Variants in TPRG1 observed in about 807,000 individuals in gnomAD.
TPRG1 encodes tumor protein p63-regulated gene 1 protein.
Under a neutral mutation model 29.3 loss-of-function variants are expected in TPRG1, and 29 were observed. The ratio of observed to expected loss-of-function variants is 0.99; its 90% CI spans 0.74 to 1.35. The LOEUF (loss-of-function observed/expected upper bound fraction) is 1.35. Among genes scored for constraint, TPRG1 ranks in the 40% most tolerant of loss-of-function variants. The pLI, the probability that TPRG1 is intolerant of heterozygous loss-of-function variation, is 0.00. For synonymous variants in TPRG1, 130 were observed against 116.8 expected, an observed-to-expected ratio of 1.11 and a Z score of -0.73; for missense variants, 327 against 335.0, an observed-to-expected ratio of 0.98 and a Z score of 0.19.
chr3:189,114,588 A>G (rs1212582585), intron 1 of TPRG1, among the ~76,000 whole-genome samples: 1 of 152,038 alleles, frequency 6.6e-6, no homozygotes, highest in Non-Finnish European at 1.5e-5. Context: ...TTCATGAATG[A>G]CACATAGGGT....
At chr3:189,319,085 A>G (rs1429920281) in intron 5 of TPRG1, among the ~76,000 whole-genome samples, 1 of 152,086 alleles carries the variant, frequency 6.6e-6, no homozygotes, top group Non-Finnish European at 1.5e-5. Context: ...ATTGCCCACA[A>G]TGCCTAGTAT....
At chr3:189,055,228 TTA>T (rs1187714925) in intron 4 of TPRG1, among the ~76,000 whole-genome samples, 1 of 152,218 alleles carries the variant, frequency 6.6e-6, no homozygotes, top group Non-Finnish European at 1.5e-5. Context: ...TCTTCTAGTG[TTA>T]TCTCTTATTT....
intron 5 of TPRG1, among the ~76,000 whole-genome samples, chr3:189,312,173 CTTTCTTTCTTTTTT>C (rs1722740236): frequency 3.0e-4 from 19 of 63,470 alleles, no homozygotes; most frequent in East Asian, 5.9e-4. Flanking sequence ...TTCTTTCTTT[CTTTCTTTCTTTTTT>C]TCTTTCTTTC....
intron 3 of TPRG1, among the ~76,000 whole-genome samples, chr3:189,020,031 T>C (rs1329025495): frequency 6.6e-6 from 1 of 151,996 alleles, no homozygotes; most frequent in African/African-American, 2.4e-5. Context: ...GAGGTGTTTG[T>C]AGTATTCTCT....
intron 1 of TPRG1, among the ~76,000 whole-genome samples, chr3:189,116,703 T>C (rs934841203): frequency 2.0e-5 from 3 of 152,200 alleles, no homozygotes; most frequent in African/African-American, 7.2e-5. Context: ...AAATACTGTA[T>C]GATTCTATTT....
intron 5 of TPRG1, among the ~76,000 whole-genome samples, chr3:189,319,000 A>G (rs896105515): frequency 1.3e-5 from 2 of 152,128 alleles, no homozygotes; most frequent in South Asian, 2.1e-4. Flanking sequence ...TTGCTCAATC[A>G]TTTACTAGTT....
In TPRG1 at chr3:189,277,068, A is replaced by G. The variant is rs1015156582; in HGVS notation, c.480-33318A>G. Among the ~76,000 whole-genome samples, 5 of 152,118 alleles carry G rather than the reference A, an allele frequency of 3.3e-5. No homozygotes were observed. The East Asian group carries it at 9.6e-4, about 29-fold the overall frequency. The stretch of plus-strand genomic sequence containing the variant: ...TGGGTGAGACGCTGCTCGAGGAGGA[A>G]TTAGCTGAACTGTGGTGGTTTGGCA... On this transcript the variant is annotated intron_variant, in intron 4 of 5. Coordinates refer to ENST00000345063, the MANE Select transcript of TPRG1 (RefSeq NM_198485.4).
At chr3:189,205,696 A>G (rs1295931540) in intron 1 of TPRG1, among the ~76,000 whole-genome samples, 1 of 152,220 alleles carries the variant, frequency 6.6e-6, no homozygotes, top group Non-Finnish European at 1.5e-5. Flanking sequence ...TCTAGGTAGC[A>G]TTGATAACAT....
At position 189,203,919 on chromosome 3, in the gene TPRG1, T is replaced by C. The variant is rs568098754; in HGVS notation, c.-9-3457T>C. On this transcript the variant is annotated intron_variant, in intron 1 of 5. Transcript: ENST00000345063. ...AGCTGGGCATGGTGGCAAGCACCTG[T>C]AGTCCCAGCTGCTCTGGAGGCTGAG... Among the ~76,000 whole-genome samples, 7 of 151,878 alleles carry C rather than the reference T, an allele frequency of 4.6e-5. No homozygotes were observed. In the South Asian group the frequency reaches 1.5e-3, roughly 32 times the overall value.
chr3:189,226,568 A>C (rs1737750370), intron 3 of TPRG1, among the ~76,000 whole-genome samples: 1 of 152,242 alleles, frequency 6.6e-6, no homozygotes, highest in South Asian at 2.1e-4. Flanking sequence ...GTACATATTA[A>C]TTGAGGGAAA....
Position 189,323,291 on chromosome 3 carries a change from C to A in TPRG1, c.*2471C>A, listed in dbSNP as rs764844341. 6.6e-6 allele frequency: 1 copy of A among 152,008 alleles called. No homozygotes were observed. The highest frequency in any genetic ancestry group is 2.4e-5 in the African/African-American group (1 of 41,398). The allele number at this position is 152,008 out of a possible 1,614,324, so 9.4% of individuals were successfully genotyped here. On this transcript the variant is annotated 3_prime_UTR_variant, in exon 6 of 6. Transcript: ENST00000345063. ...TGTTGCTAGTACTTAGTTAATTAGACCCATTTTTTTCTTAGGAAAGAGTTG... is the reference window on the plus strand; with the variant it reads ...TGTTGCTAGTACTTAGTTAATTAGAACCATTTTTTTCTTAGGAAAGAGTTG...
chr3:189,036,657 C>T (rs1198550368), intron 4 of TPRG1, among the ~76,000 whole-genome samples: 1 of 151,694 alleles, frequency 6.6e-6, no homozygotes, highest in Admixed American at 6.6e-5. Context: ...TGACAACAGA[C>T]AAATAAGTTT....
In TPRG1 at chr3:189,324,367, C is replaced by T. The variant is rs1221170090; in HGVS notation, c.*3547C>T. 1 of 152,126 alleles carries T rather than the reference C, an allele frequency of 6.6e-6. No individual in the cohort carries two copies. Among genetic ancestry groups the T allele is most frequent in the Non-Finnish European group, 1.5e-5 (1 of 68,032 alleles). The allele number at this position is 152,126 out of a possible 1,614,324, so 9.4% of individuals were successfully genotyped here. ...TACATTTTCCAATTTCTATCCCTAG[C>T]CCACTGCTCTTTCCAATATAATATC... On this transcript the variant is annotated 3_prime_UTR_variant, in exon 6 of 6. Coordinates refer to ENST00000345063, the MANE Select transcript of TPRG1 (RefSeq NM_198485.4).
rs968168123 is a variant in TPRG1 at position 189,274,834 on chromosome 3, C to A, written c.480-35552C>A. On this transcript the variant is annotated intron_variant, in intron 4 of 5. Coordinates refer to ENST00000345063, the MANE Select transcript of TPRG1 (RefSeq NM_198485.4). The stretch of plus-strand genomic sequence containing the variant: ...AAAGCATATGAACAGTTAATTCCCA[C>A]CTTAAATTGAATTTTGACCTGTGCT... Among the ~76,000 whole-genome samples, 22 of 151,758 alleles carry A rather than the reference C, an allele frequency of 1.4e-4. 1 individual carries two copies. The highest frequency in any genetic ancestry group is 2.8e-4 in the Non-Finnish European group (19 of 67,942).
intron 3 of TPRG1, among the ~76,000 whole-genome samples, chr3:189,231,181 A>C (rs549358111): frequency 6.6e-6 from 1 of 152,098 alleles, no homozygotes; most frequent in Non-Finnish European, 1.5e-5. Context: ...TTGCAGTATA[A>C]TAAAAATACA....
At chr3:189,144,315 G>A (rs1372380905) in intron 3 of TPRG1, among the ~76,000 whole-genome samples, 1 of 152,120 alleles carries the variant, frequency 6.6e-6, no homozygotes, top group African/African-American at 2.4e-5. Context: ...GCAACCATTT[G>A]TTCCTGCAAT....
intron 5 of TPRG1, among the ~76,000 whole-genome samples, chr3:189,156,323 C>A (rs1485544171): frequency 6.6e-6 from 1 of 151,642 alleles, no homozygotes; most frequent in Non-Finnish European, 1.5e-5. Context: ...AGGAACACAG[C>A]CCTACAGATG....
Position 189,238,872 on chromosome 3 carries a change from C to T in TPRG1, c.442C>T (p.Leu148=). Residue 148 remains leucine, a synonymous_variant, in exon 4 of 6, where the codon CTG becomes TTG. Coordinates refer to ENST00000345063, the MANE Select transcript of TPRG1 (RefSeq NM_198485.4). ...TCTGAGCGCTGTCTATCGCATCTGC[C>T]TGGGCAAGTTCACCTTCCCTGGGAT... ...IPLSAVYRIC[L]GKFTFPGMSL... 1.2e-6 allele frequency: 2 copies of T among 1,613,390 alleles called. No homozygotes were observed. Among genetic ancestry groups the T allele is most frequent in the South Asian group, 2.2e-5 (2 of 90,994 alleles).
chr3:189,034,326 A>C (rs886298454), intron 4 of TPRG1, among the ~76,000 whole-genome samples: 1 of 152,346 alleles, frequency 6.6e-6, no homozygotes, highest in Non-Finnish European at 1.5e-5. Flanking sequence ...TTATCTGCAT[A>C]AGCTGCATTT....
Sources: gnomAD v4.1 joint callset for allele counts (sites outside exome capture counted in the v4.1 genomes callset) on GRCh38, gnomAD v4.1.1 for gene constraint, MANE v1.5 for transcripts, NCBI Gene and HGNC (gene_info 2026-07-23, HGNC 2026-07-21) for gene names.